The following DOCK4 variants were observed in gnomAD, a reference collection of about 807,000 sequenced individuals.
DOCK4 encodes the protein dedicator of cytokinesis 4.
A neutral mutation model predicts 268.1 loss-of-function variants in DOCK4; 97 were observed. That is an observed-to-expected ratio of 0.36 (90% CI 0.31 to 0.43). DOCK4 has a LOEUF of 0.43. Ranked by LOEUF, DOCK4 falls within the 20% of genes least tolerant of loss-of-function variation. The pLI is 1.00. For missense variants in DOCK4, 2,145 were observed against 2,455.7 expected (o/e 0.87, Z 2.67); for synonymous variants, 954 against 887.2 (o/e 1.08, Z -1.34).
Position 111,998,484 on chromosome 7 carries a change from T to C in DOCK4, c.182A>G (p.Tyr61Cys). The C allele has an allele frequency of 6.3e-7, 1 of 1,591,544 alleles. No individual in the cohort carries two copies. The highest frequency in any genetic ancestry group is 8.6e-7 in the Non-Finnish European group (1 of 1,167,020). Residue 61 changes from tyrosine to cysteine, a missense_variant, in exon 4 of 53, where the codon TAC becomes TGC. By Grantham distance (194) the Tyr-to-Cys change is radical. Transcript: ENST00000428084. ...PNIKGIFPSS[Y>C]VHLKNACVKN... ...TACACAGGCATTTTTCAAGTGAACG[T>C]AGCTGGAAGGAAATATACCCTGGAA...
At chr7:111,851,952 T>C (rs970079202) in intron 23 of DOCK4, among the ~76,000 whole-genome samples, 14 of 144,630 alleles carry the variant, frequency 9.7e-5, no homozygotes, top group Middle Eastern at 7.1e-3. Context: ...TCTCTCTCTC[T>C]CCTTCCTTTT....
Position 111,988,865 on chromosome 7 carries a change from A to G in DOCK4, c.464+150T>C, listed in dbSNP as rs1799264190. The G allele has an allele frequency of 1.3e-5, 15 of 1,149,652 alleles. No individual in the cohort carries two copies. The South Asian group carries it at 2.4e-4, about 18-fold the overall frequency. 71.2% of individuals were successfully genotyped at this position (1,149,652 alleles called of 1,614,324 possible). On this transcript the variant is annotated intron_variant, in intron 6 of 52. Coordinates refer to ENST00000428084, the MANE Select transcript of DOCK4 (RefSeq NM_001363540.2). ...AGAAGAAATGGTTCTCGGCTCTATC[A>G]ATGCCAGTTCGCACTAAGCCTCCAA... is the stretch of plus-strand genomic sequence containing the variant.
intron 16 of DOCK4, among the ~76,000 whole-genome samples, chr7:111,888,713 C>G (rs1317933289): frequency 6.6e-6 from 1 of 152,096 alleles, no homozygotes. Context: ...CAGCTACTTA[C>G]CACACCACTC....
intron 28 of DOCK4, among the ~76,000 whole-genome samples, chr7:111,809,757 C>T (rs1800946027): frequency 6.6e-6 from 1 of 152,096 alleles, no homozygotes; most frequent in African/African-American, 2.4e-5. Context: ...CTGAGTATCT[C>T]CAAGAGGATG....
intron 1 of DOCK4, among the ~76,000 whole-genome samples, chr7:112,071,685 T>C (rs2135671573): frequency 6.6e-6 from 1 of 152,354 alleles, no homozygotes; most frequent in Admixed American, 6.5e-5. Flanking sequence ...TAAAATATTT[T>C]CTAACCTTTC....
chr7:111,887,669 G>A (rs1304251369), intron 16 of DOCK4, among the ~76,000 whole-genome samples: 1 of 151,996 alleles, frequency 6.6e-6, no homozygotes, highest in Non-Finnish European at 1.5e-5. Flanking sequence ...GAGGATGTGA[G>A]GAAGCAGAGG....
intron 1 of DOCK4, among the ~76,000 whole-genome samples, chr7:112,077,647 C>T (rs1808195576): frequency 6.6e-6 from 1 of 151,966 alleles, no homozygotes; most frequent in African/African-American, 2.4e-5. Context: ...CTTCACAGAG[C>T]ACCTATGATT....
At chr7:111,777,423 A>G (rs1002550568) in intron 36 of DOCK4, among the ~76,000 whole-genome samples, 3 of 152,238 alleles carry the variant, frequency 2.0e-5, no homozygotes, top group Non-Finnish European at 2.9e-5. Flanking sequence ...AGAATAATAG[A>G]AATGGTAAAC....
intron 1 of DOCK4, among the ~76,000 whole-genome samples, chr7:112,088,090 C>T (rs1586798070): frequency 6.6e-6 from 1 of 151,980 alleles, no homozygotes; most frequent in Non-Finnish European, 1.5e-5. Context: ...GACAAGGTCC[C>T]GTATGAGACC....
chr7:111,855,721 C>A (rs778299347), intron 23 of DOCK4, among the ~76,000 whole-genome samples: 1 of 152,198 alleles, frequency 6.6e-6, no homozygotes, highest in Non-Finnish European at 1.5e-5. Context: ...TGCCCCATCA[C>A]ATACGCTGCT....
At chr7:111,844,037 G>C (rs1563579541) in intron 25 of DOCK4, among the ~76,000 whole-genome samples, 1 of 152,184 alleles carries the variant, frequency 6.6e-6, no homozygotes, top group Non-Finnish European at 1.5e-5. Flanking sequence ...TACTTTGGGA[G>C]GCCAAGGCAA....
chr7:111,933,373 C>T (rs1458574210), intron 12 of DOCK4, among the ~76,000 whole-genome samples: 1 of 147,122 alleles, frequency 6.8e-6, no homozygotes, highest in Non-Finnish European at 1.5e-5. Flanking sequence ...TGGCTCACTG[C>T]AACCTCCGAC....
intron 16 of DOCK4, among the ~76,000 whole-genome samples, chr7:111,884,518 G>A (rs1014381433): frequency 2.0e-5 from 3 of 152,122 alleles, no homozygotes; most frequent in African/African-American, 7.2e-5. Context: ...TGCATGGTAG[G>A]TATCGCTAGG....
chr7:112,042,391 A>C (rs1246449602), intron 1 of DOCK4, among the ~76,000 whole-genome samples: 1 of 152,160 alleles, frequency 6.6e-6, no homozygotes, highest in Non-Finnish European at 1.5e-5. Flanking sequence ...GGATATTCTG[A>C]GTGTCTTGCA....
chr7:112,087,456 A>C (rs1448929707), intron 1 of DOCK4, among the ~76,000 whole-genome samples: 1 of 152,126 alleles, frequency 6.6e-6, no homozygotes, highest in Non-Finnish European at 1.5e-5. Flanking sequence ...AACTGCCCAA[A>C]TTCACTGAAG....
chr7:111,891,966 G>A (rs1808321619), intron 16 of DOCK4, among the ~76,000 whole-genome samples: 1 of 152,070 alleles, frequency 6.6e-6, no homozygotes, highest in South Asian at 2.1e-4. Context: ...GGTTACCTAT[G>A]GGGTTATAAA....
chr7:111,996,290 T>C (rs1799948953), intron 4 of DOCK4, among the ~76,000 whole-genome samples: 1 of 152,210 alleles, frequency 6.6e-6, no homozygotes, highest in African/African-American at 2.4e-5. Flanking sequence ...ATTTAAATTT[T>C]TAAGCATAAA....
At position 112,009,289 on chromosome 7, in the gene DOCK4, T is replaced by C. The variant is rs1253708323; in HGVS notation, c.38-5158A>G. The stretch of plus-strand genomic sequence containing the variant: ...GCTTCATCTTTCTGCTAAAAGGATC[T>C]CCAACTCATGAACAGGTTGTGGTTT... On this transcript the variant is annotated intron_variant, in intron 1 of 52. Coordinates refer to ENST00000428084, the MANE Select transcript of DOCK4 (RefSeq NM_001363540.2). 2.0e-5 allele frequency among the ~76,000 whole-genome samples: 3 copies of C among 152,170 alleles called. No homozygotes were observed. In the East Asian group the frequency reaches 5.8e-4, roughly 29 times the overall value.
chr7:111,808,912 A>G, intron 29 of DOCK4, 33 bp from the exon 30 acceptor site: 1 of 1,602,074 alleles, frequency 6.2e-7, no homozygotes, highest in African/African-American at 1.3e-5. Flanking sequence ...ACCTGATACA[A>G]TGCCTCCAGA....
Sources: allele counts gnomAD v4.1 joint callset (sites outside exome capture counted in the v4.1 genomes callset), GRCh38; gene constraint gnomAD v4.1.1; transcripts MANE v1.5; gene names NCBI Gene and HGNC (gene_info 2026-07-23, HGNC 2026-07-21).